The following BICC1 variants were observed in gnomAD, a reference collection of about 807,000 sequenced individuals.
BICC1 encodes the protein protein bicaudal C homolog 1.
In BICC1, 43 loss-of-function variants were observed where a neutral mutation model predicts 111.0. That is an observed-to-expected ratio of 0.39 (90% CI 0.30 to 0.50). The LOEUF (loss-of-function observed/expected upper bound fraction) is 0.50. Among genes scored for constraint, BICC1 ranks in the 20% least tolerant of loss-of-function variants. The pLI is 0.88. For synonymous variants in BICC1, 467 were observed against 434.4 expected, an observed-to-expected ratio of 1.07 and a Z score of -0.93; for missense variants, 1,091 against 1,203.2, an observed-to-expected ratio of 0.91 and a Z score of 1.38.
At chr10:58,520,801 A>T (rs1842367532) in intron 1 of BICC1, among the ~76,000 whole-genome samples, 1 of 152,172 alleles carries the variant, frequency 6.6e-6, no homozygotes, top group South Asian at 2.1e-4. Context: ...AGTCATCCCT[A>T]ACTCCAGAAT....
intron 3 of BICC1, among the ~76,000 whole-genome samples, chr10:58,771,083 G>T (rs1842612455): frequency 6.6e-6 from 1 of 152,158 alleles, no homozygotes; most frequent in South Asian, 2.1e-4. Flanking sequence ...CATAGCCTAT[G>T]CTAGAGATTG....
chr10:58,708,080 G>A (rs1840451121), intron 3 of BICC1, among the ~76,000 whole-genome samples: 1 of 145,090 alleles, frequency 6.9e-6, no homozygotes, highest in Admixed American at 7.2e-5. Context: ...CTGACCTCAA[G>A]TGATCTGCCT....
chr10:58,767,790 C>T (rs1278164726), intron 3 of BICC1, among the ~76,000 whole-genome samples: 1 of 151,840 alleles, frequency 6.6e-6, no homozygotes, highest in East Asian at 1.9e-4. Flanking sequence ...TAGAACCAAA[C>T]AACTTCTGAA....
intron 2 of BICC1, among the ~76,000 whole-genome samples, chr10:58,633,212 C>T (rs1837851673): frequency 1.3e-5 from 2 of 152,170 alleles, no homozygotes; most frequent in African/African-American, 4.8e-5. Context: ...TCCCCATTTG[C>T]CTTCCACCAC....
At chr10:58,762,146 C>G (rs1407956313) in intron 3 of BICC1, among the ~76,000 whole-genome samples, 1 of 152,052 alleles carries the variant, frequency 6.6e-6, no homozygotes, top group African/African-American at 2.4e-5. Flanking sequence ...TGGTATGGGC[C>G]TTAATGCAAG....
chr10:58,556,345 G>A (rs943461705), intron 1 of BICC1, among the ~76,000 whole-genome samples: 10 of 152,040 alleles, frequency 6.6e-5, no homozygotes, highest in Admixed American at 2.0e-4. Flanking sequence ...TTTATGTAAG[G>A]AAAATGTATA....
intron 2 of BICC1, among the ~76,000 whole-genome samples, chr10:58,701,668 G>A (rs1350383143): frequency 6.6e-6 from 1 of 152,146 alleles, no homozygotes; most frequent in African/African-American, 2.4e-5. Context: ...TCTAACTCAT[G>A]CAGTTTTGTA....
intron 5 of BICC1, 113 bp from the exon 6 acceptor site, chr10:58,788,257 C>T: frequency 1.4e-6 from 1 of 725,230 alleles, no homozygotes; most frequent in Non-Finnish European, 2.4e-6. Context: ...CTGGATAATA[C>T]CTCTGTATTT....
At chr10:58,669,836 G>A (rs560963432) in intron 2 of BICC1, among the ~76,000 whole-genome samples, 21 of 152,154 alleles carry the variant, frequency 1.4e-4, no homozygotes, top group African/African-American at 4.3e-4. Flanking sequence ...CTCTTTTGCT[G>A]CAAAGTAAAT....
At chr10:58,736,673 C>A (rs1011186463) in intron 3 of BICC1, among the ~76,000 whole-genome samples, 10 of 152,190 alleles carry the variant, frequency 6.6e-5, no homozygotes, top group Non-Finnish European at 8.8e-5. Context: ...TTAAAGTTAT[C>A]CCCACTCTTA....
At chr10:58,797,366 A>T (rs1589148542) in intron 10 of BICC1, among the ~76,000 whole-genome samples, 1 of 151,978 alleles carries the variant, frequency 6.6e-6, no homozygotes, top group Admixed American at 6.6e-5. Context: ...AGTCTTTAAA[A>T]TTTTTTTTCC....
chr10:58,514,093 A>T (rs1842176837), intron 1 of BICC1, among the ~76,000 whole-genome samples: 1 of 152,216 alleles, frequency 6.6e-6, no homozygotes, highest in African/African-American at 2.4e-5. Flanking sequence ...CAGGTAGAAA[A>T]TCTTCAACCA....
chr10:58,540,523 T>G (rs1390272239), intron 1 of BICC1, among the ~76,000 whole-genome samples: 1 of 151,954 alleles, frequency 6.6e-6, no homozygotes, highest in Non-Finnish European at 1.5e-5. Flanking sequence ...CTTGAAGAAA[T>G]GCATACATTT....
intron 3 of BICC1, among the ~76,000 whole-genome samples, chr10:58,769,425 T>TATATATATATAA (rs1385104345): frequency 6.9e-6 from 1 of 145,046 alleles, no homozygotes; most frequent in East Asian, 2.0e-4. Flanking sequence ...TATATATATA[T>TATATATATATAA]AATCACAGTA....
At chr10:58,530,722 C>T (rs550413371) in intron 1 of BICC1, among the ~76,000 whole-genome samples, 10 of 148,358 alleles carry the variant, frequency 6.7e-5, no homozygotes, top group East Asian at 6.0e-4. Flanking sequence ...AAGGGAGAGG[C>T]GGAAATGGAC....
At chr10:58,532,092 A>C (rs758472651) in intron 1 of BICC1, among the ~76,000 whole-genome samples, 1 of 151,882 alleles carries the variant, frequency 6.6e-6, no homozygotes, top group Non-Finnish European at 1.5e-5. Flanking sequence ...GACTACAGTC[A>C]TGATGAAACT....
At chr10:58,745,017 T>C (rs1408335593) in intron 3 of BICC1, among the ~76,000 whole-genome samples, 1 of 152,192 alleles carries the variant, frequency 6.6e-6, no homozygotes, top group Non-Finnish European at 1.5e-5. Context: ...AATTAGATTT[T>C]CTATCTCCTG....
chr10:58,811,535 T>TC (rs764217482), intron 17 of BICC1, among the ~76,000 whole-genome samples: 3 of 152,190 alleles, frequency 2.0e-5, no homozygotes, highest in Non-Finnish European at 2.9e-5. Flanking sequence ...AGTGAAGGCG[T>TC]CCCATAGTTG....
chr10:58,694,673 C>G (rs1028363713), intron 2 of BICC1, among the ~76,000 whole-genome samples: 1 of 152,140 alleles, frequency 6.6e-6, no homozygotes, highest in Admixed American at 6.6e-5. Flanking sequence ...ACCTCCTAAT[C>G]GCTGTTAACA....
Sources: allele counts gnomAD v4.1 joint callset (sites outside exome capture counted in the v4.1 genomes callset), GRCh38; gene constraint gnomAD v4.1.1; transcripts MANE v1.5; gene names NCBI Gene and HGNC (gene_info 2026-07-23, HGNC 2026-07-21).